The following CLSTN2 variants were observed in gnomAD, a reference collection of about 807,000 sequenced individuals.
CLSTN2 encodes calsyntenin-2.
A neutral mutation model predicts 101.2 loss-of-function variants in CLSTN2; 48 were observed. That is an observed-to-expected ratio of 0.47 (90% CI 0.38 to 0.60). CLSTN2 has a LOEUF of 0.60. Ranked by LOEUF, CLSTN2 falls within the 20% of genes least tolerant of loss-of-function variation. CLSTN2 has a pLI of 0.00. For missense variants in CLSTN2, 1,160 were observed against 1,238.2 expected (o/e 0.94, Z 0.95); for synonymous variants, 481 against 463.6 (o/e 1.04, Z -0.48).
At chr3:140,534,935 T>C (rs187477324) in intron 9 of CLSTN2, among the ~76,000 whole-genome samples, 15 of 152,356 alleles carry the variant, frequency 9.8e-5, no homozygotes, top group Non-Finnish European at 1.9e-4. Flanking sequence ...TCTCACTTCT[T>C]TGTGGTTCCA....
chr3:139,956,460 C>T (rs1376390624), intron 1 of CLSTN2, among the ~76,000 whole-genome samples: 3 of 152,042 alleles, frequency 2.0e-5, no homozygotes, highest in East Asian at 1.9e-4. Context: ...GGGCTTGGGT[C>T]GATGGAGAAC....
chr3:140,067,017 C>A lies in CLSTN2; in HGVS notation c.110-108934C>A, dbSNP rs182504507. On this transcript the variant is annotated intron_variant, in intron 1 of 16. Transcript: ENST00000458420. ...CTCAACGAAGAGGTTTGATCCCTGA[C>A]CCTTTCCCCAACATCCAGTCTGTGT... 3.7e-4 allele frequency among the ~76,000 whole-genome samples: 56 copies of A among 152,306 alleles called. 1 individual carries two copies. In the East Asian group the frequency reaches 0.01, roughly 28 times the overall value.
intron 2 of CLSTN2, among the ~76,000 whole-genome samples, chr3:140,364,824 T>A (rs992790006): frequency 1.1e-4 from 17 of 152,316 alleles, no homozygotes; most frequent in African/African-American, 3.8e-4. Flanking sequence ...ATTGATTGAG[T>A]GCCCACTGTT....
intron 5 of CLSTN2, among the ~76,000 whole-genome samples, chr3:140,436,803 T>C (rs538683627): frequency 6.6e-6 from 1 of 152,318 alleles, no homozygotes; most frequent in African/African-American, 2.4e-5. Context: ...GGTTGGTATT[T>C]AGGGCAAAAT....
At chr3:140,122,829 T>G (rs1417355610) in intron 1 of CLSTN2, among the ~76,000 whole-genome samples, 1 of 152,196 alleles carries the variant, frequency 6.6e-6, no homozygotes, top group Non-Finnish European at 1.5e-5. Flanking sequence ...TTTGTTGTTC[T>G]TCTTTTTCCT....
intron 1 of CLSTN2, among the ~76,000 whole-genome samples, chr3:140,018,826 A>G (rs2007250748): frequency 6.6e-6 from 1 of 152,212 alleles, no homozygotes; most frequent in Non-Finnish European, 1.5e-5. Flanking sequence ...GTAAACATTA[A>G]GTACTCATTG....
intron 1 of CLSTN2, among the ~76,000 whole-genome samples, chr3:139,954,519 A>G (rs569842077): frequency 2.9e-4 from 44 of 152,196 alleles, no homozygotes; most frequent in African/African-American, 1.1e-3. Context: ...TCTTTTCCCA[A>G]GATCTAGGGT....
At chr3:139,963,511 T>G (rs1935544515) in intron 1 of CLSTN2, among the ~76,000 whole-genome samples, 1 of 152,178 alleles carries the variant, frequency 6.6e-6, no homozygotes, top group South Asian at 2.1e-4. Flanking sequence ...TTGGAGGGCC[T>G]GCATTTCAGC....
chr3:140,115,152 A>G (rs1421536233), intron 1 of CLSTN2, among the ~76,000 whole-genome samples: 1 of 152,228 alleles, frequency 6.6e-6, no homozygotes, highest in African/African-American at 2.4e-5. Flanking sequence ...GCAAGGCTGA[A>G]TCTAAATCAC....
intron 1 of CLSTN2, among the ~76,000 whole-genome samples, chr3:140,084,941 G>T (rs938837464): frequency 4.6e-5 from 7 of 152,246 alleles, no homozygotes; most frequent in Non-Finnish European, 7.3e-5. Context: ...ACATAAGCAT[G>T]TGTGTGAGTG....
intron 2 of CLSTN2, among the ~76,000 whole-genome samples, chr3:140,395,346 A>C (rs1234880743): frequency 6.6e-6 from 1 of 152,202 alleles, no homozygotes; most frequent in African/African-American, 2.4e-5. Context: ...AATTGTAATA[A>C]TAAAAAGTAG....
Position 140,379,343 on chromosome 3 carries a change from C to T in CLSTN2, c.233-24286C>T, listed in dbSNP as rs184979476. 4.4e-4 allele frequency among the ~76,000 whole-genome samples: 67 copies of T among 152,246 alleles called. No individual in the cohort carries two copies. In the East Asian group the frequency reaches 0.012, roughly 28 times the overall value. On this transcript the variant is annotated intron_variant, in intron 2 of 16. Coordinates refer to ENST00000458420, the MANE Select transcript of CLSTN2 (RefSeq NM_022131.3). ...CCCAGAGTACCCTAGGAGACTGATC[C>T]AGGGGAGGTCACAGTCATCGTGGAG...
chr3:140,468,685 C>G (rs1047078612), intron 8 of CLSTN2, among the ~76,000 whole-genome samples: 8 of 152,174 alleles, frequency 5.3e-5, no homozygotes, highest in Non-Finnish European at 1.0e-4. Context: ...CACAGCAAAC[C>G]GTGGGTAGGA....
At chr3:139,948,522 C>A (rs1426452399) in intron 1 of CLSTN2, among the ~76,000 whole-genome samples, 1 of 152,048 alleles carries the variant, frequency 6.6e-6, no homozygotes, top group Admixed American at 6.6e-5. Flanking sequence ...ACCAGCCAAC[C>A]TTGCTAAAGA....
At chr3:140,377,128 G>A (rs1041514737) in intron 2 of CLSTN2, among the ~76,000 whole-genome samples, 1 of 152,050 alleles carries the variant, frequency 6.6e-6, no homozygotes, top group Non-Finnish European at 1.5e-5. Context: ...GATTATAACG[G>A]AGTTAAAAAA....
chr3:140,522,357 C>G (rs115957410), intron 8 of CLSTN2, among the ~76,000 whole-genome samples: 143 of 152,248 alleles, frequency 9.4e-4, no homozygotes, highest in African/African-American at 2.3e-3. Flanking sequence ...CCTCTTTTTA[C>G]TAGTGTTTAA....
chr3:140,286,802 G>C (rs1417323749), intron 2 of CLSTN2, among the ~76,000 whole-genome samples: 1 of 152,204 alleles, frequency 6.6e-6, no homozygotes, highest in Non-Finnish European at 1.5e-5. Flanking sequence ...AGGAGGAGTA[G>C]TGGGGTCCTG....
In CLSTN2 at chr3:140,567,248, G is replaced by A. The variant is rs559146116; in HGVS notation, c.*995G>A. 6.6e-6 allele frequency: 1 copy of A among 152,332 alleles called. No individual in the cohort carries two copies. The highest frequency in any genetic ancestry group is 2.4e-5 in the African/African-American group (1 of 41,568). The allele number at this position is 152,332 out of a possible 1,614,324, so 9.4% of individuals were successfully genotyped here. A position where few individuals can be genotyped will look rare whatever the true frequency, so the allele number is the denominator to read the frequency against. On this transcript the variant is annotated 3_prime_UTR_variant, in exon 17 of 17. Transcript: ENST00000458420. ...TCCCCCAGGACAGAGGGGACCCTGA[G>A]GTTGGCAAGGCTCTCACCACTCAGC...
At chr3:140,127,660 A>T (rs2009457248) in intron 1 of CLSTN2, among the ~76,000 whole-genome samples, 1 of 152,098 alleles carries the variant, frequency 6.6e-6, no homozygotes, top group Non-Finnish European at 1.5e-5. Context: ...TCAAAAAGTG[A>T]CTTCCTGCCC....
Sources: gnomAD v4.1 joint callset for allele counts (sites outside exome capture counted in the v4.1 genomes callset) on GRCh38, gnomAD v4.1.1 for gene constraint, MANE v1.5 for transcripts, NCBI Gene and HGNC (gene_info 2026-07-23, HGNC 2026-07-21) for gene names.